Variants in PLA2G4C observed in about 807,000 individuals in gnomAD.
PLA2G4C encodes phospholipase A2 group IVC, also known as cytosolic phospholipase A2 gamma.
Under a neutral mutation model 73.8 loss-of-function variants are expected in PLA2G4C, and 64 were observed. The ratio of observed to expected loss-of-function variants is 0.87; its 90% CI spans 0.71 to 1.07. The LOEUF (loss-of-function observed/expected upper bound fraction) is 1.07, where lower values mean the gene tolerates loss of function less well. Among genes scored for constraint, PLA2G4C ranks in the 50% least tolerant of loss-of-function variants. The pLI is 0.00. For missense variants in PLA2G4C, 622 were observed against 665.4 expected (o/e 0.93, Z 0.72); for synonymous variants, 254 against 252.1 (o/e 1.01, Z -0.07).
intron 4 of PLA2G4C, chr19:48,103,362 A>C (rs1041798627): frequency 6.6e-6 from 1 of 152,124 alleles, no homozygotes; most frequent in African/African-American, 2.4e-5. Flanking sequence ...GACCTTTCCC[A>C]CTCCCAAGCT....
chr19:48,056,105 T>C (rs1407950671), intron 14 of PLA2G4C, among the ~76,000 whole-genome samples: 1 of 152,210 alleles, frequency 6.6e-6, no homozygotes, highest in African/African-American at 2.4e-5. Flanking sequence ...TTCCGTGCTG[T>C]CCTGAACCAG....
intron 1 of PLA2G4C, 137 bp downstream of exon 1, chr19:48,110,345 CAAAAA>C (rs58047530): frequency 2.0e-6 from 1 of 494,828 alleles, no homozygotes; most frequent in Non-Finnish European, 3.2e-6. Context: ...GATGCTGTCT[CAAAAA>C]AAAATAAATA....
At chr19:48,070,567 A>AAAGG (rs1206240991) in intron 12 of PLA2G4C, among the ~76,000 whole-genome samples, 1 of 152,240 alleles carries the variant, frequency 6.6e-6, no homozygotes, top group African/African-American at 2.4e-5. Flanking sequence ...GCAGCCAGAA[A>AAAGG]AAGGAACAAG....
intron 7 of PLA2G4C, among the ~76,000 whole-genome samples, chr19:48,091,637 C>CT (rs1398916823): frequency 6.6e-6 from 1 of 152,018 alleles, no homozygotes; most frequent in African/African-American, 2.4e-5. Flanking sequence ...GCCTGTAATG[C>CT]TAACACTTTG....
intron 16 of PLA2G4C, among the ~76,000 whole-genome samples, chr19:48,052,536 C>G (rs1009714787): frequency 6.6e-6 from 1 of 152,110 alleles, no homozygotes; most frequent in South Asian, 2.1e-4. Flanking sequence ...TCCTGTTAAG[C>G]CTTCGGAACT....
chr19:48,109,258 G>A (rs1451970117), intron 1 of PLA2G4C, among the ~76,000 whole-genome samples: 1 of 150,714 alleles, frequency 6.6e-6, no homozygotes, highest in Non-Finnish European at 1.5e-5. Context: ...ACTGTATTTG[G>A]ACATAGGATT....
intron 10 of PLA2G4C, among the ~76,000 whole-genome samples, chr19:48,083,675 G>C (rs148714386): frequency 1.3e-5 from 2 of 151,822 alleles, no homozygotes; most frequent in Admixed American, 6.6e-5. Context: ...TCAAACTCCT[G>C]ACCTCAGGTG....
intron 8 of PLA2G4C, among the ~76,000 whole-genome samples, chr19:48,089,655 C>A (rs1026101682): frequency 6.6e-6 from 1 of 152,162 alleles, no homozygotes. Flanking sequence ...ACTGCGACTA[C>A]GTACTATTGT....
intron 16 of PLA2G4C, among the ~76,000 whole-genome samples, chr19:48,049,421 C>T (rs1402624515): frequency 6.6e-6 from 1 of 152,102 alleles, no homozygotes; most frequent in East Asian, 1.9e-4. Context: ...CAGCACACCG[C>T]ACGTTCGGTC....
chr19:48,055,826 G>A (rs866540219), intron 14 of PLA2G4C, among the ~76,000 whole-genome samples: 1 of 151,670 alleles, frequency 6.6e-6, no homozygotes, highest in Non-Finnish European at 1.5e-5. Context: ...TAGAGACAGG[G>A]TTTCTCCATG....
intron 10 of PLA2G4C, among the ~76,000 whole-genome samples, chr19:48,079,948 G>A (rs1390170187): frequency 2.0e-5 from 3 of 152,198 alleles, no homozygotes; most frequent in South Asian, 4.1e-4. Context: ...GTGATGGAGT[G>A]AGACTCCGTC....
chr19:48,049,014 C>T (rs1283129517), intron 16 of PLA2G4C, among the ~76,000 whole-genome samples: 1 of 152,130 alleles, frequency 6.6e-6, no homozygotes, highest in South Asian at 2.1e-4. Flanking sequence ...TTCTCTCTCT[C>T]TTGCTCTCTC....
At chr19:48,095,136 G>A (rs2031501140) in intron 7 of PLA2G4C, among the ~76,000 whole-genome samples, 1 of 152,092 alleles carries the variant, frequency 6.6e-6, no homozygotes, top group Non-Finnish European at 1.5e-5. Context: ...GATCCTCCCA[G>A]GTCAGCCTCC....
intron 7 of PLA2G4C, 22 bp downstream of exon 7, chr19:48,095,442 C>G: frequency 6.2e-7 from 1 of 1,609,172 alleles, no homozygotes; most frequent in Non-Finnish European, 8.5e-7. Flanking sequence ...CCCTTTTAAT[C>G]CCCTCTGACC....
intron 16 of PLA2G4C, 51 bp from the exon 17 acceptor site, chr19:48,048,439 T>A: frequency 7.6e-7 from 1 of 1,318,074 alleles, no homozygotes; most frequent in Non-Finnish European, 1.1e-6. Context: ...TAGGCAGTGT[T>A]GCACACTGGA....
chr19:48,081,121 C>T (rs188144158), intron 10 of PLA2G4C, among the ~76,000 whole-genome samples: 3,050 of 150,276 alleles, frequency 0.02, 99 homozygotes, highest in African/African-American at 0.069. Flanking sequence ...GCCGAGATCG[C>T]GCCACTGCAC....
intron 13 of PLA2G4C, 23 bp downstream of exon 13, chr19:48,067,768 C>T (rs762575214): frequency 1.3e-5 from 19 of 1,474,716 alleles, no homozygotes; most frequent in Non-Finnish European, 1.5e-5. Flanking sequence ...CAGACCAGGG[C>T]GGTGGGAAGA....
chr19:48,082,793 C>T (rs2030677394), intron 10 of PLA2G4C, among the ~76,000 whole-genome samples: 1 of 150,626 alleles, frequency 6.6e-6, no homozygotes, highest in South Asian at 2.1e-4. Context: ...GCCACTGTGC[C>T]CGGCTTGCTT....
In PLA2G4C at chr19:48,061,992, G is replaced by T; in HGVS notation, c.1257+6C>A. ...CAGGACCGGCCCCAAAGCCCTTCTC[G>T]ATTACCTCGAAAGGATCTCCGGCAC... On this transcript the variant is annotated splice_donor_region_variant and intron_variant, in intron 14 of 16. Coordinates refer to ENST00000599921, the MANE Select transcript of PLA2G4C (RefSeq NM_003706.3). The T allele has an allele frequency of 6.2e-7, 1 of 1,613,496 alleles. No individual in the cohort carries two copies. The highest frequency in any genetic ancestry group is 1.1e-5 in the South Asian group (1 of 91,024).
Sources: allele counts gnomAD v4.1 joint callset (sites outside exome capture counted in the v4.1 genomes callset), GRCh38; gene constraint gnomAD v4.1.1; transcripts MANE v1.5; gene names NCBI Gene and HGNC (gene_info 2026-07-23, HGNC 2026-07-21).